DSE: variants seen among roughly 807,000 people sequenced by gnomAD.
DSE encodes the protein dermatan-sulfate epimerase.
A neutral mutation model predicts 84.4 loss-of-function variants in DSE; 36 were observed. The observed-to-expected ratio is 0.43, with a 90% CI of 0.33 to 0.56. The LOEUF (loss-of-function observed/expected upper bound fraction) is 0.56, where lower values mean the gene tolerates loss of function less well. Ranked by LOEUF, DSE falls within the 20% of genes least tolerant of loss-of-function variation. The pLI, the probability that DSE is intolerant of heterozygous loss-of-function variation, is 0.06. For missense variants in DSE, 862 were observed against 1,169.6 expected (o/e 0.74, Z 3.84); for synonymous variants, 410 against 430.1 (o/e 0.95, Z 0.58).
chr6:116,298,914 G>T (rs1774826335), intron 2 of DSE, among the ~76,000 whole-genome samples: 1 of 152,120 alleles, frequency 6.6e-6, no homozygotes, highest in Admixed American at 6.6e-5. Context: ...AAATCGTTTT[G>T]GATACCTCAG....
chr6:116,344,689 A>G (rs918602346), intron 2 of DSE, among the ~76,000 whole-genome samples: 2 of 152,266 alleles, frequency 1.3e-5, no homozygotes, highest in African/African-American at 2.4e-5. Flanking sequence ...TGTAAAGATC[A>G]TCAATGCTAG....
At chr6:116,398,119 T>C (rs535487787) in intron 1 of DSE, among the ~76,000 whole-genome samples, 82 of 152,360 alleles carry the variant, frequency 5.4e-4, no homozygotes, top group Admixed American at 1.3e-3. Flanking sequence ...TAAAACTGTC[T>C]TTTTCTGGTC....
At chr6:116,403,925 C>T (rs1312007662) in intron 2 of DSE, among the ~76,000 whole-genome samples, 1 of 152,140 alleles carries the variant, frequency 6.6e-6, no homozygotes, top group African/African-American at 2.4e-5. Context: ...GTGTATCCCT[C>T]GATGGAGGAT....
rs558458764 is a variant in DSE, at chr6:116,444,463, G to C, written c.*7118G>C. ...TGCTTGATGAATTGACTGACTGCCT[G>C]AATGAATAAATAAATTGGTGGATTA... On this transcript the variant is annotated 3_prime_UTR_variant, in exon 6 of 6. Coordinates refer to ENST00000644252, the MANE Select transcript of DSE (RefSeq NM_013352.4). 6.6e-6 allele frequency: 1 copy of C among 152,330 alleles called. No homozygotes were observed. The highest frequency in any genetic ancestry group is 2.4e-5 in the African/African-American group (1 of 41,580). The allele number at this position is 152,330 out of a possible 1,614,324, so 9.4% of individuals were successfully genotyped here. A position where few individuals can be genotyped will look rare whatever the true frequency, so the allele number is the denominator to read the frequency against.
intron 2 of DSE, among the ~76,000 whole-genome samples, chr6:116,271,690 T>C (rs1772883262): frequency 6.6e-6 from 1 of 152,166 alleles, no homozygotes; most frequent in African/African-American, 2.4e-5. Flanking sequence ...AATAAAATCA[T>C]GCAACAGTAA....
chr6:116,388,145 T>C (rs781397855), intron 1 of DSE, among the ~76,000 whole-genome samples: 1 of 152,100 alleles, frequency 6.6e-6, no homozygotes, highest in Non-Finnish European at 1.5e-5. Context: ...CTTTTGTAAT[T>C]TGGAGGCTGA....
intron 2 of DSE, among the ~76,000 whole-genome samples, chr6:116,316,396 C>CT (rs1775979446): frequency 6.6e-6 from 1 of 151,996 alleles, no homozygotes; most frequent in Non-Finnish European, 1.5e-5. Context: ...TGGCAGTAAA[C>CT]TCATAATAAT....
intron 2 of DSE, among the ~76,000 whole-genome samples, chr6:116,426,022 C>G (rs1256800925): frequency 1.3e-5 from 2 of 152,198 alleles, no homozygotes; most frequent in Non-Finnish European, 1.5e-5. Context: ...CTCCCACTCA[C>G]GTTTGCCACG....
intron 5 of DSE, among the ~76,000 whole-genome samples, chr6:116,435,211 C>G (rs1315271431): frequency 6.6e-6 from 1 of 152,160 alleles, no homozygotes; most frequent in Non-Finnish European, 1.5e-5. Context: ...AGTCCAGATT[C>G]TAACATGGCA....
exon 2 of DSE, chr6:116,258,894 G>A: frequency 6.3e-7 from 1 of 1,599,166 alleles, no homozygotes; most frequent in Non-Finnish European, 8.6e-7. Flanking sequence ...TCATCATGGA[G>A]TTAGTAAGGC....
chr6:116,270,439 G>A (rs767946306), intron 2 of DSE, among the ~76,000 whole-genome samples: 20 of 152,100 alleles, frequency 1.3e-4, no homozygotes, highest in East Asian at 9.6e-4. Context: ...ATAAGTAATC[G>A]CTCTATTGAC....
At chr6:116,279,699 C>T (rs1453490837) in intron 2 of DSE, 2 of 1,610,844 alleles carry the variant, frequency 1.2e-6, no homozygotes, top group Admixed American at 1.7e-5. Context: ...CCGCCATCAC[C>T]TGTGTCGCCT....
At chr6:116,364,465 A>T (rs566254844) in intron 2 of DSE, among the ~76,000 whole-genome samples, 1 of 152,214 alleles carries the variant, frequency 6.6e-6, no homozygotes, top group Non-Finnish European at 1.5e-5. Flanking sequence ...TCTTTGCCTG[A>T]CACGGGTAAT....
chr6:116,382,555 A>G lies in DSE; in HGVS notation c.-54+11434A>G, dbSNP rs76581672. Reference sequence around the variant, plus strand: ...GACTTATTTCTGTCTAGGATTAGAGATAAGGATATTAAGATAAATGAGACA... The same window carrying G: ...GACTTATTTCTGTCTAGGATTAGAGGTAAGGATATTAAGATAAATGAGACA... On this transcript the variant is annotated intron_variant, in intron 1 of 5. Coordinates refer to ENST00000644252, the MANE Select transcript of DSE (RefSeq NM_013352.4). Among the ~76,000 whole-genome samples, 1,508 of 152,278 alleles carry G rather than the reference A, an allele frequency of 9.9e-3. 27 individuals are homozygous for G. Among genetic ancestry groups the G allele is most frequent in the African/African-American group, 0.035 (1,438 of 41,548 alleles).
chr6:116,429,658 T>C (rs1317774226), intron 3 of DSE, among the ~76,000 whole-genome samples: 1 of 72,580 alleles, frequency 1.4e-5, no homozygotes, highest in Non-Finnish European at 2.9e-5. Flanking sequence ...TATAGAAATA[T>C]GAGGAGTTGG....
chr6:116,360,014 G>A (rs9488911), intron 2 of DSE, among the ~76,000 whole-genome samples: 10,247 of 152,198 alleles, frequency 0.067, 1,074 homozygotes, highest in African/African-American at 0.23. Flanking sequence ...ATTACACCAT[G>A]GAATACTATG....
chr6:116,360,626 C>G (rs1002282411), intron 2 of DSE, among the ~76,000 whole-genome samples: 3 of 152,152 alleles, frequency 2.0e-5, no homozygotes, highest in Non-Finnish European at 4.4e-5. Flanking sequence ...TTAATATGTA[C>G]ATAAATTTGG....
intron 2 of DSE, among the ~76,000 whole-genome samples, chr6:116,332,224 A>G (rs1027219506): frequency 1.3e-5 from 2 of 152,222 alleles, no homozygotes; most frequent in Non-Finnish European, 2.9e-5. Context: ...TAAAAGAAAC[A>G]TAAAACATTC....
rs551337212 is a variant in DSE at position 116,443,387 on chromosome 6, T to G, written c.*6042T>G. 4 of 152,322 alleles carry G rather than the reference T, an allele frequency of 2.6e-5. No homozygotes were observed. Among genetic ancestry groups the G allele is most frequent in the African/African-American group, 7.2e-5 (3 of 41,556 alleles). The allele number at this position is 152,322 out of a possible 1,614,324, so 9.4% of individuals were successfully genotyped here. A position where few individuals can be genotyped will look rare whatever the true frequency, so the allele number is the denominator to read the frequency against. On this transcript the variant is annotated 3_prime_UTR_variant, in exon 6 of 6. Coordinates refer to ENST00000644252, the MANE Select transcript of DSE (RefSeq NM_013352.4). Reference sequence around the variant, plus strand: ...TAAGCCCAGGAAATTGTTCAAATATTTCTGCCATTTGTGTTTTCAGCTTGC... The same window carrying G: ...TAAGCCCAGGAAATTGTTCAAATATGTCTGCCATTTGTGTTTTCAGCTTGC...
Sources: gnomAD v4.1 joint callset for allele counts (sites outside exome capture counted in the v4.1 genomes callset) on GRCh38, gnomAD v4.1.1 for gene constraint, MANE v1.5 for transcripts, NCBI Gene and HGNC (gene_info 2026-07-23, HGNC 2026-07-21) for gene names.